Variants in EXOG observed in about 807,000 individuals in gnomAD.
EXOG encodes the protein nuclease EXOG, mitochondrial.
In EXOG, 27 loss-of-function variants were observed where a neutral mutation model predicts 25.8. The ratio of observed to expected loss-of-function variants is 1.05; its 90% CI spans 0.77 to 1.45. EXOG has a LOEUF of 1.45. EXOG is among the 40% of genes most tolerant of loss of function. The pLI, the probability that EXOG is intolerant of heterozygous loss-of-function variation, is 0.00. For missense variants in EXOG, 458 were observed against 450.5 expected, an observed-to-expected ratio of 1.02 and a Z score of -0.15; for synonymous variants, 133 against 167.0, an observed-to-expected ratio of 0.80 and a Z score of 1.57.
At chr3:38,514,400 A>G (rs895997811) in intron 5 of EXOG, among the ~76,000 whole-genome samples, 4 of 152,226 alleles carry the variant, frequency 2.6e-5, no homozygotes, top group African/African-American at 9.6e-5. Context: ...GATGATGTTG[A>G]AAGCTATGAT....
chr3:38,502,776 T>C (rs2060086357), intron 3 of EXOG, among the ~76,000 whole-genome samples: 1 of 152,240 alleles, frequency 6.6e-6, no homozygotes. Context: ...TTAGTTATCA[T>C]ATTTCTTTAG....
chr3:38,497,687 A>G lies in EXOG; in HGVS notation c.222A>G (p.Ala74=). The change falls in exon 2 of 6, where the codon GCA becomes GCG. Residue 74 remains alanine, a synonymous_variant. Coordinates refer to ENST00000287675, the MANE Select transcript of EXOG (RefSeq NM_005107.4). ...QFGFPLTGTE[A]RCYTNHALSY... The stretch of plus-strand genomic sequence containing the variant: ...GATTCCCTTTAACTGGAACAGAGGC[A>G]AGGTGTTACACTAATCACGCTTTGT... 6.2e-7 allele frequency: 1 copy of G among 1,609,828 alleles called. No homozygotes were observed. The highest frequency in any genetic ancestry group is 2.2e-5 in the East Asian group (1 of 44,672).
chr3:38,522,223 A>G (rs1397808514), intron 5 of EXOG, among the ~76,000 whole-genome samples: 1 of 152,222 alleles, frequency 6.6e-6, no homozygotes, highest in African/African-American at 2.4e-5. Flanking sequence ...GCAGATGGCC[A>G]TGGAGTTCCC....
chr3:38,496,411 G>T lies in EXOG; in HGVS notation c.44G>T (p.Arg15Leu). Residue 15 changes from arginine (R) to leucine (L), a missense_variant, in exon 1 of 6, where the codon CGT becomes CTT. By Grantham distance (102) the Arg-to-Leu change is moderately radical (BLOSUM62 -2). Coordinates refer to ENST00000287675, the MANE Select transcript of EXOG (RefSeq NM_005107.4). ...GCTTCCCGCCTCCGGGGTTCCCGTC[G>T]TTTTCTGAGCGGCTTCGTGGCTGGG... is the stretch of plus-strand genomic sequence containing the variant. ...SIASRLRGSRRFLSGFVAGAV... is the reference protein window; with the variant it reads ...SIASRLRGSRLFLSGFVAGAV... 2 of 1,614,068 alleles carry T rather than the reference G, an allele frequency of 1.2e-6. No individual in the cohort carries two copies. The highest frequency in any genetic ancestry group is 1.7e-6 in the Non-Finnish European group (2 of 1,179,968).
At position 38,525,836 on chromosome 3, in the gene EXOG, C is replaced by G; in HGVS notation, c.*1474C>G. The G allele has an allele frequency of 2.5e-6, 1 of 394,542 alleles. No individual in the cohort carries two copies. The highest frequency in any genetic ancestry group is 3.4e-6 in the Non-Finnish European group (1 of 290,102). 24.4% of individuals were successfully genotyped at this position (394,542 alleles called of 1,614,324 possible). On this transcript the variant is annotated 3_prime_UTR_variant, in exon 6 of 6. Coordinates refer to ENST00000287675, the MANE Select transcript of EXOG (RefSeq NM_005107.4). ...GTGCACACCTGTAGTCCCAGCTACT[C>G]GGGAGGCTGAAATGGGAGGATTGCT...
chr3:38,510,037 A>T (rs1422665276), intron 5 of EXOG, among the ~76,000 whole-genome samples: 1 of 152,192 alleles, frequency 6.6e-6, no homozygotes, highest in Non-Finnish European at 1.5e-5. Context: ...CAAAGTAAGA[A>T]ATAACTTTAC....
intron 5 of EXOG, among the ~76,000 whole-genome samples, chr3:38,509,135 A>G (rs1221341718): frequency 6.6e-6 from 1 of 152,176 alleles, no homozygotes; most frequent in Non-Finnish European, 1.5e-5. Flanking sequence ...AATATTAATT[A>G]TTCTTGGTCT....
intron 5 of EXOG, among the ~76,000 whole-genome samples, chr3:38,513,596 T>C (rs1289879446): frequency 6.6e-6 from 1 of 152,194 alleles, no homozygotes; most frequent in East Asian, 1.9e-4. Context: ...TTAAGCATAT[T>C]ATCATATGAT....
At chr3:38,517,641 A>G (rs2060588465) in intron 5 of EXOG, among the ~76,000 whole-genome samples, 1 of 152,200 alleles carries the variant, frequency 6.6e-6, no homozygotes, top group African/African-American at 2.4e-5. Flanking sequence ...TATGGATTCC[A>G]TTGCCTTTAG....
chr3:38,501,722 G>GGA (rs1354779704), intron 3 of EXOG, among the ~76,000 whole-genome samples: 6 of 152,058 alleles, frequency 3.9e-5, no homozygotes. Context: ...AAAGCCACTG[G>GGA]GAGCTGAAGC....
rs139043730 is a variant in EXOG at position 38,515,687 on chromosome 3, C to T, written c.646-8214C>T. ...AGGCCCGCTACACCCATCATGTTCA[C>T]ATGCTGCCCTTGTTCTGTGCTCCCT... On this transcript the variant is annotated intron_variant, in intron 5 of 5. Transcript: ENST00000287675. 1.5e-3 allele frequency: 237 copies of T among 156,938 alleles called. 2 individuals are homozygous for T. In the East Asian group the frequency reaches 0.042, roughly 28 times the overall value. The allele number at this position is 156,938 out of a possible 1,614,324, so 9.7% of individuals were successfully genotyped here. A position where few individuals can be genotyped will look rare whatever the true frequency, so the allele number is the denominator to read the frequency against.
At chr3:38,509,250 A>C (rs936798151) in intron 5 of EXOG, among the ~76,000 whole-genome samples, 4 of 152,158 alleles carry the variant, frequency 2.6e-5, no homozygotes, top group African/African-American at 9.7e-5. Flanking sequence ...TGTTTTTATA[A>C]AATTGAAAAA....
chr3:38,504,479 G>T (rs1029437852), intron 4 of EXOG, among the ~76,000 whole-genome samples: 1 of 151,788 alleles, frequency 6.6e-6, no homozygotes, highest in Admixed American at 6.6e-5. Context: ...ACTGTCGCCC[G>T]GGCTGGTGTG....
Position 38,524,394 on chromosome 3 carries a change from A to T in EXOG, c.*32A>T. ...TCTCAAGATGTGTCATACCGTCTGT[A>T]ATGAAGCAGGCATGCCCTCTTTAGG... On this transcript the variant is annotated 3_prime_UTR_variant, in exon 6 of 6. Transcript: ENST00000287675. 2 of 1,555,172 alleles carry T rather than the reference A, an allele frequency of 1.3e-6. No individual in the cohort carries two copies. The highest frequency in any genetic ancestry group is 1.7e-6 in the Non-Finnish European group (2 of 1,155,664).
chr3:38,496,786 T>G, intron 1 of EXOG: 9 of 1,426,226 alleles, frequency 6.3e-6, no homozygotes, highest in East Asian at 3.0e-5. Context: ...CCCGACTTTC[T>G]TCCCCCCAGT....
intron 2 of EXOG, chr3:38,499,666 T>G: frequency 2.2e-6 from 1 of 454,196 alleles, no homozygotes; most frequent in Non-Finnish European, 4.4e-6. Context: ...GATGGATTTT[T>G]GCTATGTTGC....
intron 2 of EXOG, among the ~76,000 whole-genome samples, chr3:38,500,551 T>G (rs771572125): frequency 1.3e-5 from 2 of 152,250 alleles, no homozygotes; most frequent in African/African-American, 2.4e-5. Flanking sequence ...TTTTCTTGGC[T>G]GAATGAAATC....
rs1040200918 is a variant in EXOG at position 38,525,052 on chromosome 3, G to A, written c.*690G>A. 1.0e-5 allele frequency: 10 copies of A among 984,960 alleles called. No homozygotes were observed. Among genetic ancestry groups the A allele is most frequent in the South Asian group, 4.7e-5 (1 of 21,282 alleles). The allele number at this position is 984,960 out of a possible 1,614,324, so 61.0% of individuals were successfully genotyped here. ...TTTTTCTCCTCTCATGAATCTGCTCGTTTCTCTACTTCTGTCTACGTAGAA... is the reference window on the plus strand; with the variant it reads ...TTTTTCTCCTCTCATGAATCTGCTCATTTCTCTACTTCTGTCTACGTAGAA... On this transcript the variant is annotated 3_prime_UTR_variant, in exon 6 of 6. Coordinates refer to ENST00000287675, the MANE Select transcript of EXOG (RefSeq NM_005107.4).
chr3:38,507,549 C>G (rs1182801603), intron 5 of EXOG, among the ~76,000 whole-genome samples: 12 of 152,176 alleles, frequency 7.9e-5, no homozygotes, highest in African/African-American at 2.9e-4. Context: ...TAATATGCGA[C>G]TTTCTATTCT....
Sources: gnomAD v4.1 joint callset for allele counts (sites outside exome capture counted in the v4.1 genomes callset) on GRCh38, gnomAD v4.1.1 for gene constraint, MANE v1.5 for transcripts, NCBI Gene and HGNC (gene_info 2026-07-23, HGNC 2026-07-21) for gene names.